The following EML6 variants were observed in gnomAD, a reference collection of about 807,000 sequenced individuals.
The protein encoded by EML6 is EMAP like 6.
In EML6, 154 loss-of-function variants were observed where a neutral mutation model predicts 240.1. The ratio of observed to expected loss-of-function variants is 0.64; its 90% CI spans 0.56 to 0.73. EML6 has a LOEUF of 0.73. Ranked by LOEUF, EML6 falls within the 30% of genes least tolerant of loss-of-function variation. The pLI is 0.00. For missense variants in EML6, 2,964 were observed against 2,474.6 expected (o/e 1.20, Z -4.20); for synonymous variants, 1,148 against 899.0 (o/e 1.28, Z -4.95).
chr2:54,738,515 A>G (rs1015969396), intron 2 of EML6, among the ~76,000 whole-genome samples: 3 of 152,198 alleles, frequency 2.0e-5, no homozygotes, highest in Non-Finnish European at 4.4e-5. Context: ...AACCTTGCTC[A>G]CATCAAAAAA....
At chr2:54,888,811 C>T (rs1218531994) in intron 17 of EML6, among the ~76,000 whole-genome samples, 1 of 152,146 alleles carries the variant, frequency 6.6e-6, no homozygotes, top group Non-Finnish European at 1.5e-5. Flanking sequence ...AATTATGAAG[C>T]TGCTATAAAT....
At chr2:54,847,738 A>G in intron 9 of EML6, 115 bp downstream of exon 9, 1 of 1,121,514 alleles carries the variant, frequency 8.9e-7, no homozygotes, top group Non-Finnish European at 1.3e-6. Flanking sequence ...CCATTCAAAT[A>G]GGAATACTAT....
At chr2:54,913,243 C>CT (rs201560861) in intron 25 of EML6, among the ~76,000 whole-genome samples, 2,229 of 144,372 alleles carry the variant, frequency 0.015, 20 homozygotes, top group Middle Eastern at 0.043. Flanking sequence ...CTTTTGCCCA[C>CT]TTTTTTTTTT....
intron 2 of EML6, among the ~76,000 whole-genome samples, chr2:54,787,209 C>T (rs768413500): frequency 2.0e-5 from 3 of 152,054 alleles, no homozygotes; most frequent in Admixed American, 6.6e-5. Context: ...TGACCAAATG[C>T]TCTCATTTTC....
intron 32 of EML6, 47 bp from the exon 33 acceptor site, chr2:54,957,743 G>C: frequency 6.5e-7 from 1 of 1,530,602 alleles, no homozygotes; most frequent in Non-Finnish European, 8.8e-7. Context: ...CCCCGGCCTG[G>C]CCCATGAAGC....
chr2:54,740,798 A>G (rs953258142), intron 2 of EML6, among the ~76,000 whole-genome samples: 1 of 151,940 alleles, frequency 6.6e-6, no homozygotes, highest in Non-Finnish European at 1.5e-5. Flanking sequence ...TCTGCAGAGT[A>G]GATATGAACA....
At chr2:54,821,573 A>G (rs922278392) in intron 5 of EML6, among the ~76,000 whole-genome samples, 6 of 152,146 alleles carry the variant, frequency 3.9e-5, no homozygotes, top group Admixed American at 3.3e-4. Context: ...TTAAATAATG[A>G]CAATAACTAT....
chr2:54,864,080 T>C (rs954237937), intron 13 of EML6, among the ~76,000 whole-genome samples, 191 bp downstream of exon 13: 5 of 152,206 alleles, frequency 3.3e-5, no homozygotes, highest in South Asian at 2.1e-4. Flanking sequence ...CATTAAAATT[T>C]ATTTCAGCAG....
chr2:54,937,553 T>TAAA (rs34682923), intron 28 of EML6, among the ~76,000 whole-genome samples: 5 of 68,208 alleles, frequency 7.3e-5, no homozygotes, highest in African/African-American at 3.0e-4. Flanking sequence ...ACTCTGTCTT[T>TAAA]AAAAAAAAAA....
chr2:54,814,556 G>A (rs948910747), intron 3 of EML6, among the ~76,000 whole-genome samples: 10 of 152,058 alleles, frequency 6.6e-5, no homozygotes, highest in Admixed American at 2.6e-4. Flanking sequence ...CTCACCCTGC[G>A]TGTTTCTGCC....
chr2:54,919,125 G>C (rs1490150234), intron 26 of EML6, among the ~76,000 whole-genome samples: 1 of 151,864 alleles, frequency 6.6e-6, no homozygotes, highest in Non-Finnish European at 1.5e-5. Flanking sequence ...AATGAGTTCT[G>C]TTTTCTCCTT....
intron 35 of EML6, among the ~76,000 whole-genome samples, chr2:54,962,083 GT>G (rs533390678): frequency 2.4e-3 from 321 of 132,222 alleles, no homozygotes; most frequent in Middle Eastern, 7.5e-3. Context: ...CAAGTTACTT[GT>G]TTTTTTTTTT....
chr2:54,769,474 G>A (rs1347703752), intron 2 of EML6, among the ~76,000 whole-genome samples: 1 of 152,122 alleles, frequency 6.6e-6, no homozygotes, highest in African/African-American at 2.4e-5. Flanking sequence ...GTAAGACATT[G>A]AAAACTACTG....
chr2:54,822,236 C>T (rs895150786), intron 5 of EML6, among the ~76,000 whole-genome samples: 2 of 152,040 alleles, frequency 1.3e-5, no homozygotes, highest in Admixed American at 6.6e-5. Flanking sequence ...TTGAAAGTAC[C>T]GTATCTTGGC....
chr2:54,862,229 C>T (rs1156860730), intron 12 of EML6, among the ~76,000 whole-genome samples: 2 of 148,202 alleles, frequency 1.3e-5, no homozygotes, highest in Non-Finnish European at 3.0e-5. Context: ...ATCCCAGCTA[C>T]AGGGGAGGCT....
At chr2:54,765,561 C>T (rs1668150980) in intron 2 of EML6, among the ~76,000 whole-genome samples, 1 of 152,104 alleles carries the variant, frequency 6.6e-6, no homozygotes, top group African/African-American at 2.4e-5. Flanking sequence ...GCCGGGTTCA[C>T]GCCATTCTCC....
chr2:54,729,930 G>T (rs757072836), intron 2 of EML6, among the ~76,000 whole-genome samples: 1 of 152,160 alleles, frequency 6.6e-6, no homozygotes. Flanking sequence ...GAGCTTGGGG[G>T]TTCAGGACTA....
chr2:54,931,195 G>A (rs1674843448), intron 28 of EML6, among the ~76,000 whole-genome samples: 1 of 151,918 alleles, frequency 6.6e-6, no homozygotes, highest in African/African-American at 2.4e-5. Context: ...CTGACCTCGT[G>A]ATCCGCCCGC....
Position 54,784,189 on chromosome 2 carries a change from T to C in EML6, c.198-29043T>C, listed in dbSNP as rs543533321. Among the ~76,000 whole-genome samples the C allele has an allele frequency of 2.6e-5, 4 of 152,236 alleles. No homozygotes were observed. In the South Asian group the frequency reaches 8.3e-4, roughly 32 times the overall value. ...TCAAACTCTTGGGCTCAAATGGTCC[T>C]CCTACCTCAGCCTCCCAAAGTGTTG... On this transcript the variant is annotated intron_variant, in intron 2 of 41. Coordinates refer to ENST00000356458, the MANE Select transcript of EML6 (RefSeq NM_001039753.4).
Sources: allele counts gnomAD v4.1 joint callset (sites outside exome capture counted in the v4.1 genomes callset), GRCh38; gene constraint gnomAD v4.1.1; transcripts MANE v1.5; gene names NCBI Gene and HGNC (gene_info 2026-07-23, HGNC 2026-07-21).